A2ML1: variants seen among roughly 807,000 people sequenced by gnomAD.
The protein encoded by A2ML1 is alpha-2-macroglobulin-like protein 1.
In A2ML1, 161 loss-of-function variants were observed where a neutral mutation model predicts 181.9. The observed-to-expected ratio is 0.89, with a 90% confidence interval of 0.78 to 1.01. The LOEUF is 1.01. Among genes scored for constraint, A2ML1 ranks in the 50% least tolerant of loss-of-function variants. The pLI, the probability that A2ML1 is intolerant of heterozygous loss-of-function variation, is 0.00. For synonymous variants in A2ML1, 663 were observed against 666.8 expected (o/e 0.99, Z 0.09); for missense variants, 1,670 against 1,768.1 (o/e 0.94, Z 1.00).
intron 28 of A2ML1, among the ~76,000 whole-genome samples, chr12:8,862,025 G>T (rs1318158850): frequency 1.3e-5 from 2 of 152,134 alleles, no homozygotes; most frequent in African/African-American, 4.8e-5. Context: ...CTCCCAAAGT[G>T]CTGGGATTAC....
chr12:8,881,872 G>A (rs1944874713), intron 7 of A2ML1, among the ~76,000 whole-genome samples: 1 of 151,990 alleles, frequency 6.6e-6, no homozygotes, highest in South Asian at 2.1e-4. Flanking sequence ...TTAGCTGGGT[G>A]TGGTGGTGGG....
In A2ML1 at chr12:8,823,837, A is replaced by G. The variant is rs1442112825; in HGVS notation, c.364A>G (p.Thr122Ala). The G allele has an allele frequency of 1.2e-6, 2 of 1,613,834 alleles. No individual in the cohort carries two copies. The highest frequency in any genetic ancestry group is 1.7e-6 in the Non-Finnish European group (2 of 1,179,952). ...KVLIQRQGNG[T>A]FVQTDKPLYT... is the part of the protein sequence containing the mutation. ...TCTAATTCAGAGGCAGGGGAACGGCACCTTTGTACAGACTGACAAACCTCT... is the reference window on the plus strand; with the variant it reads ...TCTAATTCAGAGGCAGGGGAACGGCGCCTTTGTACAGACTGACAAACCTCT... The change falls in exon 3 of 36, where the codon ACC (threonine) becomes GCC (alanine). Residue 122 changes from threonine (T) to alanine (A), a missense_variant. Physicochemically the swap from Thr to Ala is moderately conservative, Grantham distance 58. Transcript: ENST00000299698.
chr12:8,869,488 C>T lies in A2ML1; in HGVS notation c.4221+285C>T, dbSNP rs73236240. Among the ~76,000 whole-genome samples the T allele has an allele frequency of 0.017, 2,513 of 152,156 alleles. 80 individuals carry two copies. The highest frequency in any genetic ancestry group is 0.057 in the African/African-American group (2,378 of 41,496). On this transcript the variant is annotated intron_variant, in intron 33 of 35. Transcript: ENST00000299698. ...TAGAAACAGATGAAATTAAGTTTAA[C>T]GGTATATTTTATGCAAGCTTATACA...
chr12:8,874,499 C>A lies in A2ML1; in HGVS notation c.4296C>A (p.Thr1432=), dbSNP rs1413859046. 1.2e-6 allele frequency: 2 copies of A among 1,614,040 alleles called. No homozygotes were observed. The highest frequency in any genetic ancestry group is 1.7e-6 in the Non-Finnish European group (2 of 1,179,944). The part of the protein sequence containing the change: ...SVLVTNLKPA[T]IKVYDYYLPD... Reference sequence around the variant, plus strand: ...TGGTCACCAACTTGAAACCAGCAACCATCAAGGTCTATGACTACTACCTAC... The same window carrying A: ...TGGTCACCAACTTGAAACCAGCAACAATCAAGGTCTATGACTACTACCTAC... Residue 1432 remains threonine, a synonymous_variant, in exon 34 of 36, where the codon ACC becomes ACA. Coordinates refer to ENST00000299698, the MANE Select transcript of A2ML1 (RefSeq NM_144670.6).
chr12:8,840,946 AGAAG>A (rs1357677601), intron 10 of A2ML1, among the ~76,000 whole-genome samples: 118 of 135,236 alleles, frequency 8.7e-4, no homozygotes, highest in African/African-American at 2.9e-3. Context: ...AAGGAAGGAA[AGAAG>A]GAAGGAAGGA....
Position 8,858,090 on chromosome 12 carries a change from C to T in A2ML1, c.3252C>T (p.His1084=), listed in dbSNP as rs61745125. Residue 1084 remains histidine, a synonymous_variant, in exon 26 of 36, where the codon CAC becomes CAT. Coordinates refer to ENST00000299698, the MANE Select transcript of A2ML1 (RefSeq NM_144670.6). ...GCYANVGNLL[H]TAMKGGVDDE... Reference sequence around the variant, plus strand: ...ATGCCAACGTGGGAAATCTCCTTCACACAGCTATGAAGGTGCGGATCTGTC... The same window carrying T: ...ATGCCAACGTGGGAAATCTCCTTCATACAGCTATGAAGGTGCGGATCTGTC... 8,555 of 1,614,110 alleles carry T rather than the reference C, an allele frequency of 5.3e-3. 47 individuals are homozygous for T. Among genetic ancestry groups the T allele is most frequent in the Non-Finnish European group, 5.7e-3 (6,688 of 1,180,008 alleles).
rs1418814239 is a variant in A2ML1 at position 8,855,526 on chromosome 12, T to C, written c.2782T>C (p.Ser928Pro). 4 of 1,614,192 alleles carry C rather than the reference T, an allele frequency of 2.5e-6. No individual in the cohort carries two copies. Among genetic ancestry groups the C allele is most frequent in the Non-Finnish European group, 2.5e-6 (3 of 1,180,022 alleles). The change falls in exon 23 of 36, where the codon TCT becomes CCT. Residue 928 changes from serine (S) to proline (P), a missense_variant. Transcript: ENST00000299698. ...TCTCACAGGAAAGGTGGCATCTGAA[T>C]CTGTCTCCCTGGAGCTCCCAGTGGA... ...LCPKGKVASESVSLELPVDIV... is the reference protein window; with the variant it reads ...LCPKGKVASEPVSLELPVDIV...
chr12:8,845,083 TATG>T, intron 12 of A2ML1: 3 of 1,444,208 alleles, frequency 2.1e-6, no homozygotes, highest in Non-Finnish European at 2.7e-6. Flanking sequence ...AAAAAACACT[TATG>T]AGGATAGATT....
At chr12:8,836,202 C>G in intron 6 of A2ML1, 53 bp from the exon 7 acceptor site, 2 of 1,478,216 alleles carry the variant, frequency 1.4e-6, no homozygotes, top group East Asian at 2.3e-5. Context: ...CACTGCCTGT[C>G]TGACTGATTC....
Position 8,854,185 on chromosome 12 carries a change from G to A in A2ML1, c.2648G>A (p.Gly883Asp). 2 of 1,608,900 alleles carry A rather than the reference G, an allele frequency of 1.2e-6. No homozygotes were observed. The highest frequency in any genetic ancestry group is 1.7e-6 in the Non-Finnish European group (2 of 1,177,340). Residue 883 changes from glycine to aspartate, a missense_variant, in exon 21 of 36, where the codon GGC becomes GAC. Physicochemically the swap from Gly to Asp is moderately conservative, Grantham distance 94. Coordinates refer to ENST00000299698, the MANE Select transcript of A2ML1 (RefSeq NM_144670.6). ...CTGGACAGCAATGAACCATGTGGGGGCCAGAAGGGGTTTGTTCCCCAAAAG... is the reference window on the plus strand; with the variant it reads ...CTGGACAGCAATGAACCATGTGGGGACCAGAAGGGGTTTGTTCCCCAAAAG... ...KILDSNEPCGGQKGFVPQKGR... is the reference protein window; with the variant it reads ...KILDSNEPCGDQKGFVPQKGR...
chr12:8,823,465 C>T, intron 2 of A2ML1, 100 bp downstream of exon 2: 6 of 1,361,410 alleles, frequency 4.4e-6, no homozygotes, highest in South Asian at 1.5e-5. Flanking sequence ...TTATCTTTTG[C>T]CACGGCCTCT....
chr12:8,875,285 CCAGG>C (rs1944766979), intron 35 of A2ML1, among the ~76,000 whole-genome samples: 1 of 151,882 alleles, frequency 6.6e-6, no homozygotes. Flanking sequence ...ACCATGTTGA[CCAGG>C]CTGGTCTCGA....
At chr12:8,841,629 T>G in intron 11 of A2ML1, 93 bp downstream of exon 11, 1 of 1,303,972 alleles carries the variant, frequency 7.7e-7, no homozygotes, top group Non-Finnish European at 1.1e-6. Context: ...CCCCTCTGCT[T>G]GGAATTACAT....
In A2ML1 at chr12:8,845,407, T is replaced by A. The variant is rs763527709; in HGVS notation, c.1477-35T>A. 22 of 1,609,676 alleles carry A rather than the reference T, an allele frequency of 1.4e-5. No homozygotes were observed. In the South Asian group the frequency reaches 2.4e-4, roughly 18 times the overall value. ...TGGTCCAAGGTGAAATTACTGTAAC[T>A]TCTGTGCAGTTGATTCTTTTCTTTT... On this transcript the variant is annotated intron_variant, in intron 12 of 35. Transcript: ENST00000299698.
At chr12:8,880,456 G>A (rs1332747512), downstream of A2ML1, 1 of 152,156 alleles carries the variant, frequency 6.6e-6, no homozygotes, top group Non-Finnish European at 1.5e-5. Flanking sequence ...GGGCGGGGTG[G>A]GGGCGTGGGT....
intron 15 of A2ML1, 57 bp from the exon 16 acceptor site, chr12:8,848,663 T>A: frequency 7.1e-7 from 1 of 1,417,418 alleles, no homozygotes; most frequent in Admixed American, 2.4e-5. Flanking sequence ...CTGAGAGAAG[T>A]TTCTCAACTG....
chr12:8,846,810 CAAAA>C (rs199881026), intron 14 of A2ML1, among the ~76,000 whole-genome samples: 2 of 130,240 alleles, frequency 1.5e-5, no homozygotes, highest in Non-Finnish European at 1.6e-5. Context: ...GACTCTGTCT[CAAAA>C]AAAAAAAAAA....
At chr12:8,840,923 AAAGG>A (rs1211049896) in intron 10 of A2ML1, among the ~76,000 whole-genome samples, 1 of 148,698 alleles carries the variant, frequency 6.7e-6, no homozygotes, top group Non-Finnish European at 1.5e-5. Flanking sequence ...AAAAAGAAAG[AAAGG>A]AAGGAAGAAA....
At chr12:8,845,724 C>A (rs1943649993) in intron 13 of A2ML1, among the ~76,000 whole-genome samples, 1 of 151,878 alleles carries the variant, frequency 6.6e-6, no homozygotes, top group Non-Finnish European at 1.5e-5. Context: ...GGGGCGGGCC[C>A]CTGTAGTCCC....
Sources: gnomAD v4.1 joint callset for allele counts (sites outside exome capture counted in the v4.1 genomes callset) on GRCh38, gnomAD v4.1.1 for gene constraint, MANE v1.5 for transcripts, NCBI Gene and HGNC (gene_info 2026-07-23, HGNC 2026-07-21) for gene names.